Variants in TUB observed in about 807,000 individuals in gnomAD.
TUB encodes the protein tubby protein homolog.
In TUB, 33 loss-of-function variants were observed where a neutral mutation model predicts 59.7. The ratio of observed to expected loss-of-function variants is 0.55; its 90% CI spans 0.42 to 0.74. The LOEUF (loss-of-function observed/expected upper bound fraction) is 0.74, where lower values mean the gene tolerates loss of function less well. TUB is among the 30% of genes least tolerant of loss of function. TUB has a pLI of 0.00. For missense variants in TUB, 659 were observed against 672.0 expected (o/e 0.98, Z 0.21); for synonymous variants, 293 against 256.4 (o/e 1.14, Z -1.36).
chr11:8,080,243 G>T (rs1943522436), upstream of TUB, among the ~76,000 whole-genome samples: 5 of 152,202 alleles, frequency 3.3e-5, no homozygotes, highest in African/African-American at 1.2e-4. Flanking sequence ...GACGCCCACG[G>T]GGCGTGTGGG....
chr11:8,090,000 C>T, intron 2 of TUB, 69 bp from the exon 3 acceptor site: 4 of 1,486,876 alleles, frequency 2.7e-6, no homozygotes, highest in Non-Finnish European at 3.6e-6. Context: ...GGCTGTGGAC[C>T]CCCCGATAAC....
At chr11:8,095,418 AT>A in intron 4 of TUB, 79 bp from the exon 5 acceptor site, 1 of 1,461,638 alleles carries the variant, frequency 6.8e-7, no homozygotes, top group Admixed American at 2.2e-5. Context: ...CTCTTCCCTC[AT>A]CCCCTTCATG....
intron 1 of TUB, among the ~76,000 whole-genome samples, chr11:8,024,861 G>T (rs979888930): frequency 6.6e-6 from 1 of 152,210 alleles, no homozygotes; most frequent in African/African-American, 2.4e-5. Flanking sequence ...CAGACTCTGA[G>T]ACAAAGTAGC....
chr11:8,038,552 C>A (rs1942684653), upstream of TUB: 4 of 1,061,888 alleles, frequency 3.8e-6, no homozygotes, highest in South Asian at 1.3e-4. Flanking sequence ...TATAGTAACC[C>A]ACAGATGCAG....
intron 2 of TUB, among the ~76,000 whole-genome samples, chr11:8,044,145 A>G (rs955789498): frequency 1.3e-5 from 2 of 152,164 alleles, no homozygotes; most frequent in African/African-American, 4.8e-5. Flanking sequence ...TTGAAGAAAC[A>G]TTGGGCATTA....
rs553149382 is a variant in TUB, at chr11:8,071,635, C to T, written c.204-17975C>T. Among the ~76,000 whole-genome samples, 40 of 152,232 alleles carry T rather than the reference C, an allele frequency of 2.6e-4. 1 individual carries two copies. The South Asian group carries it at 7.1e-3, about 27-fold the overall frequency. ...ATGAGATTCATGTCCTTCACCAAAC[C>T]GCTTCAGTTGTCTGTCAGAGCCAGG... On this transcript the variant is annotated intron_variant, in intron 2 of 12. Coordinates refer to the TUB transcript ENST00000305253.
chr11:8,040,297 C>G (rs764806030), intron 2 of TUB, among the ~76,000 whole-genome samples: 1 of 152,190 alleles, frequency 6.6e-6, no homozygotes, highest in Non-Finnish European at 1.5e-5. Flanking sequence ...AACAACTGCC[C>G]TGTGAAGGAG....
At chr11:8,059,624 G>A (rs1245068125) in intron 2 of TUB, among the ~76,000 whole-genome samples, 2 of 152,094 alleles carry the variant, frequency 1.3e-5, no homozygotes, top group Admixed American at 6.5e-5. Context: ...AAGTTCTGCG[G>A]GGAGATCTGC....
At chr11:8,034,131 C>T (rs557339368), upstream of TUB, among the ~76,000 whole-genome samples, 1 of 152,184 alleles carries the variant, frequency 6.6e-6, no homozygotes, top group Non-Finnish European at 1.5e-5. Context: ...GCCTCCCAGC[C>T]TAACAGCAAC....
At position 8,062,516 on chromosome 11, in the gene TUB, C is replaced by CGTGT. The variant is rs34497745; in HGVS notation, c.203+22845_203+22848dup. On this transcript the variant is annotated intron_variant, in intron 2 of 12. Coordinates refer to the TUB transcript ENST00000305253. Reference sequence around the variant, plus strand: ...GGGCCTTCCTCTGAAGGTTTGTGTGCGTGTGTGTGTGTGTGTGTGTGTGTA... The same window carrying CGTGT: ...GGGCCTTCCTCTGAAGGTTTGTGTGCGTGTGTGTGTGTGTGTGTGTGTGTGTGTA... 5.2e-3 allele frequency among the ~76,000 whole-genome samples: 773 copies of CGTGT among 150,008 alleles called. 8 individuals carry two copies. The highest frequency in any genetic ancestry group is 0.018 in the African/African-American group (732 of 40,758).
intron 11 of TUB, 37 bp downstream of exon 11, chr11:8,101,034 G>A (rs1388360096): frequency 6.2e-6 from 10 of 1,612,254 alleles, no homozygotes; most frequent in African/African-American, 1.3e-5. Context: ...TGGTCCGTAG[G>A]ATACCCAAGG....
At chr11:8,054,477 A>C (rs1283313105) in intron 2 of TUB, among the ~76,000 whole-genome samples, 4 of 152,002 alleles carry the variant, frequency 2.6e-5, no homozygotes, top group African/African-American at 9.7e-5. Context: ...ACAGAGAGAG[A>C]GCACAAGTGG....
At position 8,089,893 on chromosome 11, in the gene TUB, T is replaced by C. The variant is rs1386569419; in HGVS notation, c.91-176T>C. On this transcript the variant is annotated intron_variant, in intron 2 of 11. Transcript: ENST00000299506. Reference sequence around the variant, plus strand: ...TGCAGTTGGAGGGCTGGCTGTGCTGTGATCCTGCCAGGGCAGCCACCTGGG... The same window carrying C: ...TGCAGTTGGAGGGCTGGCTGTGCTGCGATCCTGCCAGGGCAGCCACCTGGG... 2.0e-5 allele frequency among the ~76,000 whole-genome samples: 3 copies of C among 152,256 alleles called. No homozygotes were observed. In the East Asian group the frequency reaches 5.8e-4, roughly 29 times the overall value.
At chr11:8,051,299 T>C (rs954014691) in intron 2 of TUB, among the ~76,000 whole-genome samples, 2 of 152,258 alleles carry the variant, frequency 1.3e-5, no homozygotes, top group African/African-American at 2.4e-5. Flanking sequence ...AAATTTTTCA[T>C]GTAACATACT....
chr11:8,033,387 C>T (rs528119073), intron 1 of TUB, among the ~76,000 whole-genome samples: 40 of 152,184 alleles, frequency 2.6e-4, no homozygotes, highest in Non-Finnish European at 4.8e-4. Context: ...TTGAGCACTC[C>T]GGGAGTTTCT....
intron 1 of TUB, among the ~76,000 whole-genome samples, chr11:8,031,911 C>T (rs925761006): frequency 2.0e-5 from 3 of 152,192 alleles, no homozygotes; most frequent in South Asian, 2.1e-4. Flanking sequence ...CGGGCCACTT[C>T]GCCTTCCGCG....
chr11:8,023,412 T>C (rs1564894281), intron 1 of TUB, among the ~76,000 whole-genome samples: 1 of 152,232 alleles, frequency 6.6e-6, no homozygotes, highest in Non-Finnish European at 1.5e-5. Flanking sequence ...GTCCCCACTG[T>C]CCACATCTGA....
upstream of TUB, chr11:8,076,449 C>G (rs897869211): frequency 6.6e-6 from 1 of 152,166 alleles, no homozygotes; most frequent in Admixed American, 6.5e-5. Flanking sequence ...AACCTCTCTC[C>G]CATTTTGTAT....
At chr11:8,100,024 G>A (rs1012265062) in intron 9 of TUB, among the ~76,000 whole-genome samples, 2 of 152,212 alleles carry the variant, frequency 1.3e-5, no homozygotes, top group Non-Finnish European at 2.9e-5. Flanking sequence ...CTGACTTAAT[G>A]TGCCTGAGCA....
Sources: gnomAD v4.1 joint callset for allele counts (sites outside exome capture counted in the v4.1 genomes callset) on GRCh38, gnomAD v4.1.1 for gene constraint, MANE v1.5 for transcripts, NCBI Gene and HGNC (gene_info 2026-07-23, HGNC 2026-07-21) for gene names.